SLIT2: variants seen among roughly 807,000 people sequenced by gnomAD.
The protein encoded by SLIT2 is slit guidance ligand 2, also known as slit homolog 2 protein.
In SLIT2, 41 loss-of-function variants were observed where a neutral mutation model predicts 185.7. The observed-to-expected ratio is 0.22, with a 90% CI of 0.17 to 0.29. The LOEUF (loss-of-function observed/expected upper bound fraction) is 0.29, where lower values mean the gene tolerates loss of function less well. Among genes scored for constraint, SLIT2 ranks in the 10% least tolerant of loss-of-function variants. The probability of loss-of-function intolerance (pLI) is 1.00; values close to 1 mark genes in which losing one functional copy is unlikely to be tolerated. For missense variants in SLIT2, 1,571 were observed against 1,909.0 expected, an observed-to-expected ratio of 0.82 and a Z score of 3.30; for synonymous variants, 693 against 680.2, an observed-to-expected ratio of 1.02 and a Z score of -0.29.
chr4:20,605,361 G>A (rs1322077277), intron 33 of SLIT2, among the ~76,000 whole-genome samples: 1 of 152,150 alleles, frequency 6.6e-6, no homozygotes, highest in Non-Finnish European at 1.5e-5. Flanking sequence ...TTGTTTTCAT[G>A]TATCCACTTC....
At chr4:20,428,203 A>G (rs1394502583) in intron 4 of SLIT2, among the ~76,000 whole-genome samples, 1 of 152,232 alleles carries the variant, frequency 6.6e-6, no homozygotes, top group African/African-American at 2.4e-5. Flanking sequence ...TGTAACCATG[A>G]TCAGAAGTAA....
At chr4:20,607,959 A>G (rs1728917139) in intron 33 of SLIT2, among the ~76,000 whole-genome samples, 3 of 152,144 alleles carry the variant, frequency 2.0e-5, no homozygotes, top group Non-Finnish European at 1.5e-5. Flanking sequence ...CTTGAACAAG[A>G]TGTGCCCCCA....
At chr4:20,359,163 G>A (rs1722556308) in intron 4 of SLIT2, among the ~76,000 whole-genome samples, 1 of 152,058 alleles carries the variant, frequency 6.6e-6, no homozygotes, top group South Asian at 2.1e-4. Context: ...AATTATGAAG[G>A]CAGAGTATAA....
intron 4 of SLIT2, among the ~76,000 whole-genome samples, chr4:20,364,951 A>G (rs1256670242): frequency 6.6e-6 from 1 of 152,096 alleles, no homozygotes; most frequent in Admixed American, 6.6e-5. Context: ...CAGATGAAAC[A>G]TTTCAGATGC....
At position 20,252,198 on chromosome 4, in the gene SLIT2, A is replaced by G. The variant is rs1307666716; in HGVS notation, c.-1618A>G. Among the ~76,000 whole-genome samples, 4 of 151,922 alleles carry G rather than the reference A, an allele frequency of 2.6e-5. No individual in the cohort carries two copies. Among genetic ancestry groups the G allele is most frequent in the African/African-American group, 9.7e-5 (4 of 41,374 alleles). ...GCTACGCTGAGCGCCAGTCAGCCCC[A>G]GCGAACAACTCCAGTTACGACAACA... On this transcript the variant is annotated 5_prime_UTR_variant, in exon 1 of 37. Transcript: ENST00000504154.
At position 20,387,261 on chromosome 4, in the gene SLIT2, G is replaced by A. The variant is rs115452850; in HGVS notation, c.396-80491G>A. Reference sequence around the variant, plus strand: ...AGGATTCTAAAAGGATGTAGTTTACGTTAGTTATATCTATTGATATTTATT... The same window carrying A: ...AGGATTCTAAAAGGATGTAGTTTACATTAGTTATATCTATTGATATTTATT... On this transcript the variant is annotated intron_variant, in intron 4 of 36. Transcript: ENST00000504154. Among the ~76,000 whole-genome samples, 1,032 of 152,164 alleles carry A rather than the reference G, an allele frequency of 6.8e-3. 22 individuals are homozygous for A. The highest frequency in any genetic ancestry group is 0.023 in the African/African-American group (974 of 41,540).
At chr4:20,586,242 C>A (rs1432766408) in intron 29 of SLIT2, among the ~76,000 whole-genome samples, 1 of 152,250 alleles carries the variant, frequency 6.6e-6, no homozygotes, top group Middle Eastern at 3.4e-3. Context: ...AGGGAAAATT[C>A]ACAGTAATGT....
intron 22 of SLIT2, among the ~76,000 whole-genome samples, chr4:20,546,891 T>C (rs755804311): frequency 1.4e-4 from 21 of 152,052 alleles, no homozygotes; most frequent in African/African-American, 1.9e-4. Flanking sequence ...AAAAAGATAG[T>C]AGATATTAAT....
At chr4:20,378,961 A>G (rs149609040) in intron 4 of SLIT2, among the ~76,000 whole-genome samples, 43 of 152,288 alleles carry the variant, frequency 2.8e-4, no homozygotes, top group African/African-American at 1.0e-3. Flanking sequence ...TTAAATGCAT[A>G]TTAGTAAGTG....
intron 22 of SLIT2, among the ~76,000 whole-genome samples, chr4:20,547,194 T>C (rs999260158): frequency 4.6e-5 from 7 of 152,176 alleles, no homozygotes; most frequent in African/African-American, 1.7e-4. Flanking sequence ...TCCTCTAAGA[T>C]GTCTTGTTCT....
intron 4 of SLIT2, among the ~76,000 whole-genome samples, chr4:20,292,406 C>A (rs921294439): frequency 1.3e-5 from 2 of 152,028 alleles, no homozygotes; most frequent in Admixed American, 6.5e-5. Context: ...TTTGTTACAG[C>A]TACTTGGGAG....
At chr4:20,400,914 A>G (rs1424317264) in intron 4 of SLIT2, among the ~76,000 whole-genome samples, 2 of 151,888 alleles carry the variant, frequency 1.3e-5, no homozygotes, top group African/African-American at 4.8e-5. Flanking sequence ...TAAATTTTAT[A>G]CAGATATAAC....
At chr4:20,315,024 T>C (rs1718447667) in intron 4 of SLIT2, among the ~76,000 whole-genome samples, 2 of 89,776 alleles carry the variant, frequency 2.2e-5, no homozygotes, top group Non-Finnish European at 4.9e-5. Flanking sequence ...AATTAATTAT[T>C]ATAATTAAAA....
At chr4:20,535,210 A>C (rs533307403) in intron 18 of SLIT2, among the ~76,000 whole-genome samples, 1 of 152,022 alleles carries the variant, frequency 6.6e-6, no homozygotes, top group Non-Finnish European at 1.5e-5. Context: ...GAGGCAGAAG[A>C]ATCGCTTGAT....
At chr4:20,557,207 A>G (rs982201228) in intron 26 of SLIT2, among the ~76,000 whole-genome samples, 1 of 152,080 alleles carries the variant, frequency 6.6e-6, no homozygotes, top group Admixed American at 6.6e-5. Flanking sequence ...GAAGGTGGTG[A>G]CACTGTTAAA....
At chr4:20,337,133 G>A (rs563813674) in intron 4 of SLIT2, among the ~76,000 whole-genome samples, 1 of 152,222 alleles carries the variant, frequency 6.6e-6, no homozygotes, top group South Asian at 2.1e-4. Context: ...TAGTGTATTA[G>A]TCTGTTTTCA....
At position 20,528,474 on chromosome 4, in the gene SLIT2, GA is replaced by G; in HGVS notation, c.1463-474del. ...AAAAGAGGGCTTTTTAGGCATCTCC[GA>G]GATTATGTGAGAGGGAGAGAATAGT... On this transcript the variant is annotated intron_variant, in intron 15 of 36. Coordinates refer to ENST00000504154, the MANE Select transcript of SLIT2 (RefSeq NM_004787.4). This position sits in a 1 kb window ranked among gnomAD's most constrained non-coding sequence, Gnocchi z 4.2. 1 of 412,772 alleles carries G rather than the reference GA, an allele frequency of 2.4e-6. No homozygotes were observed. The highest frequency in any genetic ancestry group is 1.8e-5 in the South Asian group (1 of 55,394). The allele number at this position is 412,772 out of a possible 1,614,324, so 25.6% of individuals were successfully genotyped here.
rs940923809 is a variant in SLIT2 at position 20,555,489 on chromosome 4, T to C, written c.2725+1521T>C. On this transcript the variant is annotated intron_variant, in intron 26 of 36. Coordinates refer to ENST00000504154, the MANE Select transcript of SLIT2 (RefSeq NM_004787.4). ...TGGTTACAGTCTGAAAGGATTTTGT[T>C]AAGATTAGATAATATAGATAAAAGA... is the stretch of plus-strand genomic sequence containing the variant. Among the ~76,000 whole-genome samples the C allele has an allele frequency of 3.9e-5, 6 of 152,166 alleles. No individual in the cohort carries two copies. The South Asian group carries it at 1.2e-3, about 32-fold the overall frequency.
chr4:20,401,958 T>C (rs1457610105), intron 4 of SLIT2, among the ~76,000 whole-genome samples: 1 of 151,952 alleles, frequency 6.6e-6, no homozygotes, highest in African/African-American at 2.4e-5. Context: ...AAAATTTTTA[T>C]TTAAAGTATT....
Sources: allele counts gnomAD v4.1 joint callset (sites outside exome capture counted in the v4.1 genomes callset), GRCh38; gene constraint gnomAD v4.1.1; non-coding constraint Gnocchi (gnomAD v3.1); transcripts MANE v1.5; gene names NCBI Gene and HGNC (gene_info 2026-07-23, HGNC 2026-07-21).